HACL2: variants seen among roughly 807,000 people sequenced by gnomAD.
HACL2 encodes 2-hydroxyacyl-CoA lyase 1 like.
At chr19:15,120,078 A>AT in the HACL2 span, 1 of 1,543,384 alleles carries the variant, frequency 6.5e-7, no homozygotes, top group Non-Finnish European at 8.8e-7. Flanking sequence ...AATTCTCTAA[A>AT]TACCTGCAAA....
chr19:15,123,209 A>G, the HACL2 span: 3 of 1,613,960 alleles, frequency 1.9e-6, no homozygotes, highest in South Asian at 3.3e-5. This position sits in a 1 kb window ranked among gnomAD's most constrained non-coding sequence, Gnocchi z 5.1. Context: ...TGGTGAGGCC[A>G]GGGCCTGCTG....
At chr19:15,120,116 G>T in the HACL2 span, 1 of 1,325,566 alleles carries the variant, frequency 7.5e-7, no homozygotes, top group Non-Finnish European at 1.1e-6. Context: ...CAAGTTGCCA[G>T]AATTAACTAA....
chr19:15,118,145 A>G, the HACL2 span: 3 of 1,191,808 alleles, frequency 2.5e-6, no homozygotes, highest in Non-Finnish European at 3.6e-6. Flanking sequence ...TGCCACCTAC[A>G]GTGACCTTGC....
chr19:15,123,510 G>C, the HACL2 span: 6 of 1,613,900 alleles, frequency 3.7e-6, no homozygotes, highest in Non-Finnish European at 5.1e-6. The surrounding 1 kb of genome is among the most constrained non-coding windows in gnomAD (Gnocchi z 5.1). Flanking sequence ...AAGATGAACC[G>C]CACACCATGG....
chr19:15,122,625 G>C, the HACL2 span: 2 of 1,299,970 alleles, frequency 1.5e-6, no homozygotes, highest in Non-Finnish European at 2.2e-6. This position sits in a 1 kb window ranked among gnomAD's most constrained non-coding sequence, Gnocchi z 4.0. Flanking sequence ...AGGAGGATGG[G>C]TGTGGGCTGG....
the HACL2 span, among the ~76,000 whole-genome samples, chr19:15,122,360 G>A: frequency 2.6e-5 from 4 of 152,066 alleles, no homozygotes; most frequent in African/African-American, 9.7e-5. This position sits in a 1 kb window ranked among gnomAD's most constrained non-coding sequence, Gnocchi z 4.0. Flanking sequence ...AAAGGTGGTG[G>A]GGGAAAGGGA....
At chr19:15,118,103 TC>T in the HACL2 span, 1 of 1,540,184 alleles carries the variant, frequency 6.5e-7, no homozygotes, top group Non-Finnish European at 8.9e-7. Context: ...TGCAAATGAG[TC>T]CCTGTTCCTC....
the HACL2 span, chr19:15,119,107 G>A: frequency 2.7e-6 from 4 of 1,499,484 alleles, no homozygotes; most frequent in African/African-American, 1.4e-5. Flanking sequence ...GTGTGAAGCT[G>A]GGTAACAGGG....
At chr19:15,123,513 C>A in the HACL2 span, 1 of 1,614,074 alleles carries the variant, frequency 6.2e-7, no homozygotes, top group Non-Finnish European at 8.5e-7. This position sits in a 1 kb window ranked among gnomAD's most constrained non-coding sequence, Gnocchi z 5.1. Flanking sequence ...ATGAACCGCA[C>A]ACCATGGGCC....
At chr19:15,115,057 G>A in the HACL2 span, 1 of 656,974 alleles carries the variant, frequency 1.5e-6, no homozygotes, top group Non-Finnish European at 2.7e-6. Context: ...GGCACAGTTG[G>A]GTCCGTGAAG....
the HACL2 span, chr19:15,122,739 C>T: frequency 6.2e-7 from 1 of 1,614,174 alleles, no homozygotes; most frequent in Non-Finnish European, 8.5e-7. The surrounding 1 kb of genome is among the most constrained non-coding windows in gnomAD (Gnocchi z 4.0). Context: ...TTGGCTGGCA[C>T]CATCTCCTTC....
At chr19:15,116,043 T>A in the HACL2 span, 1 of 1,613,806 alleles carries the variant, frequency 6.2e-7, no homozygotes, top group Non-Finnish European at 8.5e-7. Flanking sequence ...GTGCAAATCC[T>A]GCACCAACTC....
At chr19:15,116,275 C>A in the HACL2 span, 3 of 1,614,054 alleles carry the variant, frequency 1.9e-6, no homozygotes, top group South Asian at 1.1e-5. Context: ...AGCTGCAGCA[C>A]CTGCACTGGG....
chr19:15,123,983 G>A, the HACL2 span: 2 of 185,518 alleles, frequency 1.1e-5, no homozygotes, highest in Non-Finnish European at 1.1e-5. The surrounding 1 kb of genome is among the most constrained non-coding windows in gnomAD (Gnocchi z 5.1). Context: ...GCCATCTGCT[G>A]TGACTCCTCC....
the HACL2 span, chr19:15,119,402 G>T: frequency 2.5e-6 from 4 of 1,613,864 alleles, no homozygotes; most frequent in African/African-American, 5.3e-5. Context: ...ACAAGGGCAG[G>T]GCTGGCGCTT....
At chr19:15,116,631 C>T in the HACL2 span, 33 of 836,302 alleles carry the variant, frequency 3.9e-5, no homozygotes, top group South Asian at 3.1e-4. Context: ...AGCAGGCAGA[C>T]GGGAAGCAGG....
the HACL2 span, chr19:15,117,838 C>A: frequency 1.9e-5 from 30 of 1,609,792 alleles, no homozygotes; most frequent in Non-Finnish European, 2.4e-5. Flanking sequence ...AGGAGAGGGA[C>A]TGGGAGGAGC....
the HACL2 span, among the ~76,000 whole-genome samples, chr19:15,122,496 C>T: frequency 5.3e-5 from 8 of 152,080 alleles, no homozygotes; most frequent in Admixed American, 5.2e-4. This position sits in a 1 kb window ranked among gnomAD's most constrained non-coding sequence, Gnocchi z 4.0. Flanking sequence ...TCCACGAGGG[C>T]CGCCTTGCTT....
At chr19:15,123,457 A>T in the HACL2 span, 1 of 1,614,142 alleles carries the variant, frequency 6.2e-7, no homozygotes, top group Non-Finnish European at 8.5e-7. The surrounding 1 kb of genome is among the most constrained non-coding windows in gnomAD (Gnocchi z 5.1). Flanking sequence ...CCAGTTTCTC[A>T]CAGGCCACCA....
Sources: allele counts gnomAD v4.1 joint callset (sites outside exome capture counted in the v4.1 genomes callset), GRCh38; gene constraint gnomAD v4.1.1; non-coding constraint Gnocchi (gnomAD v3.1); transcripts MANE v1.5; gene names NCBI Gene and HGNC (gene_info 2026-07-23, HGNC 2026-07-21).